ZIM2: variants seen among roughly 807,000 people sequenced by gnomAD.
The protein encoded by ZIM2 is zinc finger protein 656.
A neutral mutation model predicts 38.6 loss-of-function variants in ZIM2; 14 were observed. That is an observed-to-expected ratio of 0.36 (90% CI 0.24 to 0.57). The LOEUF (loss-of-function observed/expected upper bound fraction) is 0.57. Among genes scored for constraint, ZIM2 ranks in the 20% least tolerant of loss-of-function variants. The pLI is 0.81. For synonymous variants in ZIM2, 247 were observed against 245.8 expected, an observed-to-expected ratio of 1.00 and a Z score of -0.04; for missense variants, 680 against 695.1, an observed-to-expected ratio of 0.98 and a Z score of 0.24.
intron 9 of ZIM2, chr19:56,815,786 T>C: frequency 6.2e-7 from 1 of 1,613,802 alleles, no homozygotes; most frequent in Non-Finnish European, 8.5e-7. Context: ...CGATTCTTAC[T>C]GCCCCCTTCA....
At chr19:56,837,703 G>A (rs548543568) in intron 1 of ZIM2, among the ~76,000 whole-genome samples, 241 of 152,330 alleles carry the variant, frequency 1.6e-3, no homozygotes, top group Non-Finnish European at 2.4e-3. Flanking sequence ...CCCATGAACC[G>A]GCAAAGATGG....
At chr19:56,811,896 G>T (rs757507442) in intron 9 of ZIM2, 1 of 984,864 alleles carries the variant, frequency 1.0e-6, no homozygotes, top group Non-Finnish European at 1.2e-6. Flanking sequence ...TCCCCTCCTA[G>T]ATCTGGTGAT....
Position 56,816,923 on chromosome 19 carries a change from A to C in ZIM2, c.490+823T>G, listed in dbSNP as rs779079592. On this transcript the variant is annotated intron_variant, in intron 9 of 12. Transcript: ENST00000629319. Reference sequence around the variant, plus strand: ...TTGAAGGTCTCTCCACAGTCCTTACATTCAAAACGTTTCCCTCCAACCTGA... The same window carrying C: ...TTGAAGGTCTCTCCACAGTCCTTACCTTCAAAACGTTTCCCTCCAACCTGA... 1.4e-5 allele frequency: 22 copies of C among 1,614,072 alleles called. No individual in the cohort carries two copies. In the Admixed American group the frequency reaches 3.5e-4, roughly 26 times the overall value.
intron 9 of ZIM2, among the ~76,000 whole-genome samples, chr19:56,809,328 T>A (rs2047939178): frequency 6.6e-6 from 1 of 152,176 alleles, no homozygotes; most frequent in African/African-American, 2.4e-5. Flanking sequence ...AGTACACTTT[T>A]ATATCTTAAG....
chr19:56,776,196 A>AGAT (rs1349388457), intron 12 of ZIM2, among the ~76,000 whole-genome samples: 7 of 152,182 alleles, frequency 4.6e-5, no homozygotes, highest in Admixed American at 2.6e-4. Context: ...CGTGTCAAAA[A>AGAT]GATGCCACAA....
At chr19:56,781,024 G>A (rs1004550341) in intron 11 of ZIM2, among the ~76,000 whole-genome samples, 1 of 151,814 alleles carries the variant, frequency 6.6e-6, no homozygotes, top group Non-Finnish European at 1.5e-5. Flanking sequence ...CACTGCATGA[G>A]AGCTGGAATG....
At chr19:56,839,063 C>G (rs759260186) in intron 1 of ZIM2, among the ~76,000 whole-genome samples, 1 of 151,830 alleles carries the variant, frequency 6.6e-6, no homozygotes, top group African/African-American at 2.4e-5. Flanking sequence ...CCCAGGCGGG[C>G]GGGCCTTGTC....
At chr19:56,815,298 T>A (rs1469589547) in intron 9 of ZIM2, 3 of 1,614,136 alleles carry the variant, frequency 1.9e-6, no homozygotes, top group Non-Finnish European at 2.5e-6. Flanking sequence ...TTTTCTGGTT[T>A]GTGTTGAGGT....
At position 56,782,071 on chromosome 19, in the gene ZIM2, C is replaced by T; in HGVS notation, c.621G>A (p.Val207=). The part of the protein sequence containing the change: ...LGTFLVFEEL[V]TFEDVLVDFS... ...AGTCCACAAGCACATCCTCGAAGGTCACCAACTCCTCAAACACCAGAAATG... is the reference window on the plus strand; with the variant it reads ...AGTCCACAAGCACATCCTCGAAGGTTACCAACTCCTCAAACACCAGAAATG... The change falls in exon 11 of 13, where the codon GTG becomes GTA. Residue 207 remains valine, a synonymous_variant. Transcript: ENST00000629319. 10 of 1,614,032 alleles carry T rather than the reference C, an allele frequency of 6.2e-6. No homozygotes were observed. Among genetic ancestry groups the T allele is most frequent in the Non-Finnish European group, 8.5e-6 (10 of 1,179,912 alleles).
At chr19:56,838,453 C>T (rs971657180) in intron 1 of ZIM2, among the ~76,000 whole-genome samples, 1 of 152,158 alleles carries the variant, frequency 6.6e-6, no homozygotes, top group Admixed American at 6.5e-5. Context: ...GGAACGGTCC[C>T]GGGCCCCAGC....
chr19:56,834,246 G>A (rs1320741081), intron 2 of ZIM2, among the ~76,000 whole-genome samples: 1 of 152,134 alleles, frequency 6.6e-6, no homozygotes, highest in Non-Finnish European at 1.5e-5. Flanking sequence ...ACTCTCATCA[G>A]ACCTAACTTG....
chr19:56,800,109 A>G (rs1299185570), intron 9 of ZIM2, among the ~76,000 whole-genome samples: 8 of 152,194 alleles, frequency 5.3e-5, no homozygotes, highest in Non-Finnish European at 8.8e-5. Flanking sequence ...TAGAGATTTG[A>G]GTTACACAGG....
rs1467861087 is a variant in ZIM2 at position 56,824,428 on chromosome 19, C to T, written c.-150-1G>A. 2.5e-6 allele frequency: 4 copies of T among 1,614,178 alleles called. No individual in the cohort carries two copies. Among genetic ancestry groups the T allele is most frequent in the Non-Finnish European group, 3.4e-6 (4 of 1,180,028 alleles). ...TCTCCTCCTTGGTGCGGGTCTCCGGCTGCAACCAATCGAGGCAGAGGTTTC... is the reference window on the plus strand; with the variant it reads ...TCTCCTCCTTGGTGCGGGTCTCCGGTTGCAACCAATCGAGGCAGAGGTTTC... On this transcript the variant is annotated splice_acceptor_variant, in intron 3 of 12. Transcript: ENST00000629319. LOFTEE classifies it low-confidence loss of function (5UTR_SPLICE).
At chr19:56,777,121 G>GT (rs1220366285) in intron 12 of ZIM2, among the ~76,000 whole-genome samples, 1 of 152,160 alleles carries the variant, frequency 6.6e-6, no homozygotes, top group Non-Finnish European at 1.5e-5. Context: ...TGGAAGAGAG[G>GT]TGATGAACAC....
chr19:56,826,196 G>A (rs1373274711), intron 3 of ZIM2, among the ~76,000 whole-genome samples, 192 bp downstream of exon 3: 1 of 152,206 alleles, frequency 6.6e-6, no homozygotes, highest in African/African-American at 2.4e-5. Context: ...GATGATTGGT[G>A]TGACATTTCA....
intron 1 of ZIM2, among the ~76,000 whole-genome samples, chr19:56,840,264 C>A (rs995247251): frequency 1.3e-5 from 2 of 152,222 alleles, no homozygotes; most frequent in African/African-American, 4.8e-5. Context: ...CCCGGCCAGT[C>A]AGAAAGGCGC....
intron 2 of ZIM2, chr19:56,833,847 A>T (rs920454992): frequency 1.3e-5 from 2 of 152,812 alleles, no homozygotes; most frequent in African/African-American, 4.8e-5. Context: ...CACCAACTCC[A>T]TCTCACAGGC....
At chr19:56,833,318 C>G (rs2061758865) in intron 2 of ZIM2, 2 of 393,178 alleles carry the variant, frequency 5.1e-6, no homozygotes, top group South Asian at 3.8e-5. Flanking sequence ...GAATTGAGAA[C>G]TTTAAAGTCA....
intron 9 of ZIM2, among the ~76,000 whole-genome samples, chr19:56,808,752 C>T (rs934557739): frequency 1.8e-4 from 13 of 70,514 alleles, no homozygotes; most frequent in African/African-American, 6.9e-4. Flanking sequence ...ATGGATTAAC[C>T]ATGTAAAAGA....
Sources: gnomAD v4.1 joint callset for allele counts (sites outside exome capture counted in the v4.1 genomes callset) on GRCh38, gnomAD v4.1.1 for gene constraint, MANE v1.5 for transcripts, NCBI Gene and HGNC (gene_info 2026-07-23, HGNC 2026-07-21) for gene names.